FRMPD2: variants seen among roughly 807,000 people sequenced by gnomAD.
FRMPD2 encodes FERM and PDZ domain-containing protein 2.
Under a neutral mutation model 140.1 loss-of-function variants are expected in FRMPD2, and 96 were observed. That is an observed-to-expected ratio of 0.69 (90% CI 0.58 to 0.81). The LOEUF (loss-of-function observed/expected upper bound fraction) is 0.81. Among genes scored for constraint, FRMPD2 ranks in the 40% least tolerant of loss-of-function variants. FRMPD2 has a pLI of 0.00. For synonymous variants in FRMPD2, 449 were observed against 547.6 expected (o/e 0.82, Z 2.52); for missense variants, 1,240 against 1,447.4 (o/e 0.86, Z 2.32).
chr10:48,244,904 C>T, intron 3 of FRMPD2, 55 bp from the exon 4 acceptor site: 1 of 1,319,140 alleles, frequency 7.6e-7, no homozygotes. Flanking sequence ...TATTCCATGG[C>T]TCTGCAAGAA....
intron 24 of FRMPD2, among the ~76,000 whole-genome samples, chr10:48,173,467 T>C (rs1588804189): frequency 6.6e-6 from 1 of 150,542 alleles, no homozygotes; most frequent in South Asian, 2.1e-4. Context: ...GTTTCTAAGA[T>C]GTGAACATTC....
chr10:48,176,935 C>G (rs1382365837), intron 22 of FRMPD2, among the ~76,000 whole-genome samples: 44 of 152,202 alleles, frequency 2.9e-4, no homozygotes, highest in Non-Finnish European at 5.1e-4. Context: ...CAGGGGAAAG[C>G]AAAGAATGCC....
At chr10:48,263,451 A>T (rs2131984022) in intron 1 of FRMPD2, among the ~76,000 whole-genome samples, 1 of 152,224 alleles carries the variant, frequency 6.6e-6, no homozygotes, top group South Asian at 2.1e-4. Flanking sequence ...AAGAGAGAAG[A>T]TGTAAATAAC....
At chr10:48,194,361 G>A (rs985294106) in intron 15 of FRMPD2, among the ~76,000 whole-genome samples, 2 of 152,156 alleles carry the variant, frequency 1.3e-5, no homozygotes, top group Admixed American at 1.3e-4. Context: ...TGGGGATGCT[G>A]AGGACACAAA....
At chr10:48,181,134 T>C (rs1321450550) in intron 20 of FRMPD2, 126 bp from the exon 21 acceptor site, 1 of 650,078 alleles carries the variant, frequency 1.5e-6, no homozygotes, top group South Asian at 1.8e-5. Context: ...GGGTACAATA[T>C]GAATTTAGCT....
rs1838626916 is a variant in FRMPD2 at position 48,184,518 on chromosome 10, TG to T, written c.2584+47del. ...GTACCTCACAGTAATCATGTACTCC[TG>T]AAAACAGGGGAGCCTCTTAAGCTCC... is the stretch of plus-strand genomic sequence containing the variant. On this transcript the variant is annotated intron_variant, in intron 20 of 28. Coordinates refer to ENST00000374201, the MANE Select transcript of FRMPD2 (RefSeq NM_001018071.4). The T allele has an allele frequency of 2.5e-6, 3 of 1,180,674 alleles. No homozygotes were observed. In the East Asian group the frequency reaches 7.0e-5, roughly 28 times the overall value. The allele number at this position is 1,180,674 out of a possible 1,614,324, so 73.1% of individuals were successfully genotyped here.
intron 28 of FRMPD2, chr10:48,159,030 G>A (rs1218797223): frequency 2.8e-6 from 1 of 356,752 alleles, no homozygotes; most frequent in East Asian, 7.7e-5. Flanking sequence ...GGCATTTCAG[G>A]CTTGAAATAT....
intron 14 of FRMPD2, chr10:48,201,646 A>G (rs1428227197): frequency 6.5e-6 from 2 of 305,854 alleles, no homozygotes; most frequent in Non-Finnish European, 1.2e-5. Flanking sequence ...TGAGAAGAAT[A>G]TGAAGTGGGT....
At chr10:48,250,481 A>G (rs557016331) in intron 2 of FRMPD2, among the ~76,000 whole-genome samples, 1 of 151,990 alleles carries the variant, frequency 6.6e-6, no homozygotes, top group South Asian at 2.1e-4. Context: ...GCTCAGTGCA[A>G]TCTCTGCCTC....
chr10:48,163,604 A>C lies in FRMPD2; in HGVS notation c.3605T>G (p.Ile1202Ser), dbSNP rs1358993826. ...ATCTDSCTSP[I>S]LDQEDSWRDS... ...CCTCCAGCTGTCCTCTTGATCCAGG[A>C]TGGGGCTGGTACATGAGTCAGTACA... Residue 1202 changes from isoleucine (I) to serine (S), a missense_variant, in exon 28 of 29, where the codon ATC (isoleucine) becomes AGC (serine). Physicochemically the swap from Ile to Ser is moderately radical, Grantham distance 142. Coordinates refer to ENST00000374201, the MANE Select transcript of FRMPD2 (RefSeq NM_001018071.4). 18 of 1,302,896 alleles carry C rather than the reference A, an allele frequency of 1.4e-5. No individual in the cohort carries two copies. The highest frequency in any genetic ancestry group is 2.0e-5 in the Non-Finnish European group (18 of 901,270). 80.7% of individuals were successfully genotyped at this position (1,302,896 alleles called of 1,614,324 possible). A position where few individuals can be genotyped will look rare whatever the true frequency, so the allele number is the denominator to read the frequency against.
intron 3 of FRMPD2, among the ~76,000 whole-genome samples, chr10:48,247,500 G>T (rs994187888): frequency 6.6e-6 from 1 of 152,246 alleles, no homozygotes; most frequent in Non-Finnish European, 1.5e-5. Flanking sequence ...ACAAGCAACA[G>T]AGCACAGCCT....
At chr10:48,267,739 C>T (rs549880860) in intron 1 of FRMPD2, among the ~76,000 whole-genome samples, 4 of 152,312 alleles carry the variant, frequency 2.6e-5, no homozygotes, top group African/African-American at 9.6e-5. Context: ...GTGGAAACAA[C>T]TCAGTGTCGA....
chr10:48,223,179 A>G lies in FRMPD2; in HGVS notation c.1260T>C (p.Asn420=). ...WREQPQKTSM[N]TFTLFLRIKF... is the part of the protein sequence containing the mutation. ...TTATCCTCAGGAAGAGTGTGAAGGT[A>G]TTCATGGAGGTCTTCTGAGGCTGCT... The change falls in exon 11 of 29, where the codon AAT becomes AAC. Residue 420 remains asparagine (N), a synonymous_variant. Transcript: ENST00000374201. The G allele has an allele frequency of 1.2e-6, 2 of 1,614,082 alleles. No individual in the cohort carries two copies. Among genetic ancestry groups the G allele is most frequent in the Non-Finnish European group, 1.7e-6 (2 of 1,179,932 alleles).
At chr10:48,214,676 G>A (rs749253579) in intron 12 of FRMPD2, among the ~76,000 whole-genome samples, 2 of 152,178 alleles carry the variant, frequency 1.3e-5, no homozygotes, top group South Asian at 4.1e-4. Flanking sequence ...ATATCCAAGA[G>A]AAAAGTCCAT....
chr10:48,217,243 G>A (rs1336620890), intron 12 of FRMPD2, among the ~76,000 whole-genome samples: 1 of 152,234 alleles, frequency 6.6e-6, no homozygotes, highest in Non-Finnish European at 1.5e-5. Flanking sequence ...TGCGCTTCAA[G>A]TACTGCTTTG....
intron 16 of FRMPD2, among the ~76,000 whole-genome samples, chr10:48,191,692 TCCTGCAGCAA>T (rs1033760049): frequency 6.6e-6 from 1 of 152,178 alleles, no homozygotes; most frequent in African/African-American, 2.4e-5. Context: ...AAAAAACAGC[TCCTGCAGCAA>T]CCTTCATTGG....
chr10:48,200,197 T>TAAAAAAAAAA (rs201140091), intron 15 of FRMPD2, among the ~76,000 whole-genome samples: 1 of 139,628 alleles, frequency 7.2e-6, no homozygotes, highest in Non-Finnish European at 1.6e-5. Flanking sequence ...AATAAATAAA[T>TAAAAAAAAAA]AAAACAGAGC....
At chr10:48,249,211 C>G (rs1564439648) in intron 2 of FRMPD2, 33 bp from the exon 3 acceptor site, 2 of 1,603,566 alleles carry the variant, frequency 1.2e-6, no homozygotes, top group Admixed American at 3.4e-5. Context: ...GCTGTAGAGA[C>G]AGAGCTTCCA....
chr10:48,239,313 C>G (rs1840044717), intron 7 of FRMPD2, among the ~76,000 whole-genome samples: 1 of 152,144 alleles, frequency 6.6e-6, no homozygotes, highest in South Asian at 2.1e-4. Context: ...CATGGTATGG[C>G]AATGGATAAT....
Sources: gnomAD v4.1 joint callset for allele counts (sites outside exome capture counted in the v4.1 genomes callset) on GRCh38, gnomAD v4.1.1 for gene constraint, MANE v1.5 for transcripts, NCBI Gene and HGNC (gene_info 2026-07-23, HGNC 2026-07-21) for gene names.